LBR: variants seen among roughly 807,000 people sequenced by gnomAD.
The protein encoded by LBR is lamin B receptor.
In LBR, 28 loss-of-function variants were observed where a neutral mutation model predicts 74.3. The ratio of observed to expected loss-of-function variants is 0.38; its 90% CI spans 0.28 to 0.52. The LOEUF is 0.52. Ranked by LOEUF, LBR falls within the 20% of genes least tolerant of loss-of-function variation. The pLI is 0.89. For missense variants in LBR, 717 were observed against 760.3 expected, an observed-to-expected ratio of 0.94 and a Z score of 0.67; for synonymous variants, 228 against 269.3, an observed-to-expected ratio of 0.85 and a Z score of 1.50.
rs2275601 is a variant in LBR at position 225,412,607 on chromosome 1, T to G, written c.931A>C (p.Thr311Pro). The change falls in exon 8 of 14, where the codon ACA becomes CCA. Residue 311 changes from threonine (T) to proline (P), a missense_variant. Physicochemically the swap from Thr to Pro is conservative, Grantham distance 38. Transcript: ENST00000272163. ...AFILTSAVIG[T>P]SLFQGVEFHY... ...AACTCTACGCCCTGGAAGAGAGATG[T>G]TCCGATGACTGCAGATGTCAGGATA... The G allele has an allele frequency of 1.2e-6, 2 of 1,613,508 alleles. No homozygotes were observed. The highest frequency in any genetic ancestry group is 1.7e-4 in the Middle Eastern group (1 of 6,060).
intron 10 of LBR, 82 bp from the exon 11 acceptor site, chr1:225,406,914 G>GT: frequency 7.3e-7 from 1 of 1,377,306 alleles, no homozygotes; most frequent in South Asian, 1.2e-5. Flanking sequence ...ACAGGCAAAT[G>GT]TAAAAAGTGC....
intron 7 of LBR, chr1:225,414,093 G>T (rs1461717916): frequency 4.4e-6 from 2 of 456,566 alleles, no homozygotes; most frequent in African/African-American, 4.0e-5. Flanking sequence ...GGTGCCAAAG[G>T]TTCTAAAACT....
intron 6 of LBR, 71 bp from the exon 7 acceptor site, chr1:225,415,403 T>C (rs2096115208): frequency 1.3e-6 from 1 of 745,456 alleles, no homozygotes; most frequent in Non-Finnish European, 2.3e-6. Flanking sequence ...CACACACACA[T>C]ATATATATTC....
At chr1:225,416,002 AG>A (rs1017589860) in intron 6 of LBR, among the ~76,000 whole-genome samples, 24 of 152,236 alleles carry the variant, frequency 1.6e-4, no homozygotes, top group African/African-American at 5.8e-4. Context: ...CAGGAGTTGG[AG>A]ACCAGCCTGG....
At chr1:225,403,731 C>A (rs2096085763) in intron 13 of LBR, among the ~76,000 whole-genome samples, 1 of 152,188 alleles carries the variant, frequency 6.6e-6, no homozygotes, top group African/African-American at 2.4e-5. Flanking sequence ...ATACACATCT[C>A]TTCATTTCTC....
chr1:225,406,610 A>T (rs1277347739), intron 11 of LBR, 54 bp downstream of exon 11: 2 of 1,487,226 alleles, frequency 1.3e-6, no homozygotes, highest in African/African-American at 2.8e-5. Flanking sequence ...AGGGCATAAA[A>T]GCCTCAGTAC....
intron 10 of LBR, 34 bp from the exon 11 acceptor site, chr1:225,406,866 G>C: frequency 6.2e-7 from 1 of 1,602,292 alleles, no homozygotes; most frequent in Non-Finnish European, 8.6e-7. Flanking sequence ...GGGAGAAGGA[G>C]CTTCTGTGTT....
At position 225,404,661 on chromosome 1, in the gene LBR, G is replaced by A; in HGVS notation, c.1529C>T (p.Ala510Val). Residue 510 changes from alanine to valine, a missense_variant, in exon 12 of 14, where the codon GCA (alanine) becomes GTA (valine). Ala to Val is a moderately conservative substitution (Grantham distance 64, BLOSUM62 0). Coordinates refer to ENST00000272163, the MANE Select transcript of LBR (RefSeq NM_002296.4). Reference sequence around the variant, plus strand: ...TGGATCACTGGGATTTTTCCGGAATGCATTTTTCTGAGAATTTGCACCTCG... The same window carrying A: ...TGGATCACTGGGATTTTTCCGGAATACATTTTTCTGAGAATTTGCACCTCG... ...IFRGANSQKN[A>V]FRKNPSDPKL... 1 of 1,611,730 alleles carries A rather than the reference G, an allele frequency of 6.2e-7. No homozygotes were observed. The highest frequency in any genetic ancestry group is 8.5e-7 in the Non-Finnish European group (1 of 1,179,376).
rs780032261 is a variant in LBR at position 225,412,582 on chromosome 1, A to G, written c.956T>C (p.Phe319Ser). 6.2e-7 allele frequency: 1 copy of G among 1,614,080 alleles called. No individual in the cohort carries two copies. The highest frequency in any genetic ancestry group is 8.5e-7 in the Non-Finnish European group (1 of 1,180,010). The change falls in exon 8 of 14, where the codon TTT (phenylalanine) becomes TCT (serine). Residue 319 changes from phenylalanine to serine, a missense_variant. Coordinates refer to ENST00000272163, the MANE Select transcript of LBR (RefSeq NM_002296.4). ...IGTSLFQGVE[F>S]HYVYSHFLQF... ...AAGAAAATGACTGTACACGTAATGA[A>G]ACTCTACGCCCTGGAAGAGAGATGT...
At position 225,410,316 on chromosome 1, in the gene LBR, T is replaced by C. The variant is rs138769892; in HGVS notation, c.1289A>G (p.Tyr430Cys). The change falls in exon 10 of 14, where the codon TAT becomes TGT. Residue 430 changes from tyrosine (Y) to cysteine (C), a missense_variant. By Grantham distance (194) the Tyr-to-Cys change is radical. Transcript: ENST00000272163. ...MILVNSFQLL[Y>C]VVDALWNEEA... ...CTCATTCCAGAGAGCATCCACCACA[T>C]AGAGAAGCTGGAAACTATTAACTAA... 910 of 1,614,006 alleles carry C rather than the reference T, an allele frequency of 5.6e-4. 3 individuals carry two copies. The highest frequency in any genetic ancestry group is 2.6e-4 in the Non-Finnish European group (303 of 1,179,988).
chr1:225,428,304 GC>G (rs1251682446), upstream of LBR, among the ~76,000 whole-genome samples: 1 of 152,106 alleles, frequency 6.6e-6, no homozygotes, highest in African/African-American at 2.4e-5. Flanking sequence ...GGCCCGGAGC[GC>G]GACGTTTGCC....
At position 225,412,653 on chromosome 1, in the gene LBR, A is replaced by G. The variant is rs1640643984; in HGVS notation, c.893-8T>C. On this transcript the variant is annotated splice_region_variant and splice_polypyrimidine_tract_variant and intron_variant, in intron 7 of 13. Transcript: ENST00000272163. ...GGATAAAAGCATAGAATCCTTTAAA[A>G]AAAAAAAAAAAAGGAAGTGGAAAAT... 2 of 1,599,460 alleles carry G rather than the reference A, an allele frequency of 1.3e-6. No individual in the cohort carries two copies. Among genetic ancestry groups the G allele is most frequent in the Non-Finnish European group, 1.7e-6 (2 of 1,173,134 alleles).
At chr1:225,415,139 T>C in intron 7 of LBR, 139 bp downstream of exon 7, 1 of 635,452 alleles carries the variant, frequency 1.6e-6, no homozygotes, top group South Asian at 1.9e-5. Flanking sequence ...TGGCTACAGG[T>C]ATAAACAGTT....
chr1:225,412,548 T>G lies in LBR; in HGVS notation c.990A>C (p.Ala330=). ...HYVYSHFLQF[A]LAATVFCVVL... ...CCACACAAAAAACAGTGGCCGCAAG[T>G]GCAAACTGAAGAAAATGACTGTACA... is the stretch of plus-strand genomic sequence containing the variant. Residue 330 remains alanine (A), a synonymous_variant, in exon 8 of 14, where the codon GCA becomes GCC. Coordinates refer to ENST00000272163, the MANE Select transcript of LBR (RefSeq NM_002296.4). 2 of 1,613,022 alleles carry G rather than the reference T, an allele frequency of 1.2e-6. No individual in the cohort carries two copies. The highest frequency in any genetic ancestry group is 1.7e-6 in the Non-Finnish European group (2 of 1,179,894).
At chr1:225,405,625 T>C (rs1047439343) in intron 11 of LBR, among the ~76,000 whole-genome samples, 4 of 152,082 alleles carry the variant, frequency 2.6e-5, no homozygotes, top group Non-Finnish European at 5.9e-5. Context: ...GCAGAAGGGG[T>C]CTTGCCAGAT....
upstream of LBR, among the ~76,000 whole-genome samples, chr1:225,428,264 G>A (rs2096145254): frequency 6.6e-6 from 1 of 152,116 alleles, no homozygotes; most frequent in South Asian, 2.1e-4. Flanking sequence ...GGGGAGGCCG[G>A]TGAGCGGGGG....
intron 6 of LBR, among the ~76,000 whole-genome samples, chr1:225,417,312 C>A (rs1389671931): frequency 6.6e-6 from 1 of 152,118 alleles, no homozygotes; most frequent in African/African-American, 2.4e-5. Context: ...AGAATAAGAT[C>A]TTTAAATAAA....
chr1:225,415,658 A>T (rs1042380549), intron 6 of LBR, among the ~76,000 whole-genome samples: 13 of 152,140 alleles, frequency 8.5e-5, no homozygotes, highest in Admixed American at 5.9e-4. Flanking sequence ...AAATACCTTT[A>T]TATCTAGTGG....
Position 225,411,460 on chromosome 1 carries a change from T to G in LBR, c.1085-20A>C. ...CATTTCCTGAGAAAGGAAAAGTGTT[T>G]ACCCAAACAGCATTCCAAACCCAGT... is the stretch of plus-strand genomic sequence containing the variant. On this transcript the variant is annotated intron_variant, in intron 8 of 13. Coordinates refer to ENST00000272163, the MANE Select transcript of LBR (RefSeq NM_002296.4). 1.9e-6 allele frequency: 3 copies of G among 1,574,818 alleles called. No individual in the cohort carries two copies. In the South Asian group the frequency reaches 3.3e-5, roughly 17 times the overall value.
Sources: gnomAD v4.1 joint callset for allele counts (sites outside exome capture counted in the v4.1 genomes callset) on GRCh38, gnomAD v4.1.1 for gene constraint, MANE v1.5 for transcripts, NCBI Gene and HGNC (gene_info 2026-07-23, HGNC 2026-07-21) for gene names.